The following LMBRD1 variants were observed in gnomAD, a reference collection of about 807,000 sequenced individuals.
LMBRD1 encodes the protein LMBR1 domain containing 1, also known as lysosomal cobalamin transport escort protein LMBD1.
Under a neutral mutation model 74.8 loss-of-function variants are expected in LMBRD1, and 64 were observed. That is an observed-to-expected ratio of 0.86 (90% CI 0.70 to 1.05). The LOEUF (loss-of-function observed/expected upper bound fraction) is 1.05. Among genes scored for constraint, LMBRD1 ranks in the 50% least tolerant of loss-of-function variants. The pLI is 0.00. For missense variants in LMBRD1, 652 were observed against 645.9 expected (o/e 1.01, Z -0.10); for synonymous variants, 204 against 216.3 (o/e 0.94, Z 0.50).
At chr6:69,741,514 C>T (rs1028937346) in intron 6 of LMBRD1, among the ~76,000 whole-genome samples, 13 of 152,012 alleles carry the variant, frequency 8.6e-5, no homozygotes, top group Admixed American at 2.0e-4. Flanking sequence ...GCCTCCCGAG[C>T]AGCTGGGATT....
chr6:69,754,650 T>C (rs923164471), intron 3 of LMBRD1, among the ~76,000 whole-genome samples: 3 of 152,194 alleles, frequency 2.0e-5, no homozygotes, highest in African/African-American at 7.2e-5. Context: ...GTGTTTCTAC[T>C]ACAAACCAAA....
intron 1 of LMBRD1, among the ~76,000 whole-genome samples, chr6:69,794,632 C>T (rs1372449137): frequency 6.6e-6 from 1 of 152,180 alleles, no homozygotes; most frequent in African/African-American, 2.4e-5. Context: ...AATTATGAGT[C>T]AAACTTTCAA....
chr6:69,712,559 T>C (rs964879415), intron 9 of LMBRD1, among the ~76,000 whole-genome samples: 2 of 151,934 alleles, frequency 1.3e-5, no homozygotes, highest in Non-Finnish European at 2.9e-5. Context: ...TTTTAAAAAA[T>C]AAGAGAATCC....
At chr6:69,790,768 A>G (rs1433457498) in intron 1 of LMBRD1, 2 of 385,896 alleles carry the variant, frequency 5.2e-6, no homozygotes, top group East Asian at 1.2e-4. Flanking sequence ...CATCACAGTT[A>G]TAACTAGCTT....
chr6:69,740,920 C>CT lies in LMBRD1; in HGVS notation c.562+868dup, dbSNP rs538609463. Among the ~76,000 whole-genome samples the CT allele has an allele frequency of 1.2e-3, 182 of 151,744 alleles. 2 individuals are homozygous for CT. The South Asian group carries it at 0.038, about 31-fold the overall frequency. On this transcript the variant is annotated intron_variant, in intron 6 of 15. Coordinates refer to ENST00000649934, the MANE Select transcript of LMBRD1 (RefSeq NM_018368.4). Reference sequence around the variant, plus strand: ...AATTTTCTTAACCTAATCCGTGAGCCTTTTTTTTCTGTAAAAACCTAGGTC... The same window carrying CT: ...AATTTTCTTAACCTAATCCGTGAGCCTTTTTTTTTCTGTAAAAACCTAGGTC...
At chr6:69,779,185 C>CAAAAAAAAAAAAAAAAAAAAAAAAAAAA (rs11397050) in intron 3 of LMBRD1, among the ~76,000 whole-genome samples, 1 of 100,158 alleles carries the variant, frequency 1.0e-5, no homozygotes, top group African/African-American at 4.5e-5. Flanking sequence ...GACTCAGTCT[C>CAAAAAAAAAAAAAAAAAAAAAAAAAAAA]AAAAAAAAAA....
chr6:69,692,597 G>A (rs1220748785), intron 14 of LMBRD1, among the ~76,000 whole-genome samples: 1 of 152,006 alleles, frequency 6.6e-6, no homozygotes. Context: ...ATATATTTAT[G>A]TCCTTATGCC....
chr6:69,726,853 T>C (rs1028855196), intron 7 of LMBRD1, among the ~76,000 whole-genome samples: 1 of 151,852 alleles, frequency 6.6e-6, no homozygotes, highest in African/African-American at 2.4e-5. Flanking sequence ...ATAATTTCGT[T>C]GTACATTTTA....
rs114659996 is a variant in LMBRD1, at chr6:69,776,826, T to C, written c.307+3668A>G. On this transcript the variant is annotated intron_variant, in intron 3 of 15. Transcript: ENST00000649934. ...TAACACAACAAAGTAAATTAGAATC[T>C]CTCGGGATACAATCTACCATTCTGT... Among the ~76,000 whole-genome samples, 74 of 152,250 alleles carry C rather than the reference T, an allele frequency of 4.9e-4. 1 individual carries two copies. The highest frequency in any genetic ancestry group is 1.8e-3 in the African/African-American group (73 of 41,550).
At chr6:69,731,694 G>T (rs955168622) in intron 7 of LMBRD1, among the ~76,000 whole-genome samples, 2 of 152,104 alleles carry the variant, frequency 1.3e-5, no homozygotes, top group Non-Finnish European at 1.5e-5. Context: ...ATTATGTTCA[G>T]ATAGGCTAAA....
intron 5 of LMBRD1, chr6:69,745,744 T>A (rs1013837369): frequency 1.3e-5 from 2 of 152,354 alleles, no homozygotes; most frequent in African/African-American, 2.4e-5. Context: ...AACCTCAGCC[T>A]CCCAGTTAAT....
At chr6:69,704,357 A>G (rs970946048) in intron 9 of LMBRD1, among the ~76,000 whole-genome samples, 6 of 152,050 alleles carry the variant, frequency 3.9e-5, no homozygotes, top group African/African-American at 1.4e-4. Flanking sequence ...TTGGAATTCT[A>G]CTGTAGGGAA....
chr6:69,689,211 A>G (rs1374118708), intron 14 of LMBRD1, among the ~76,000 whole-genome samples: 1 of 152,100 alleles, frequency 6.6e-6, no homozygotes, highest in Non-Finnish European at 1.5e-5. Flanking sequence ...TCAGACATGC[A>G]TGTCCATACA....
intron 14 of LMBRD1, among the ~76,000 whole-genome samples, 155 bp from the exon 15 acceptor site, chr6:69,676,696 A>C (rs45527339): frequency 1.3e-5 from 2 of 152,110 alleles, no homozygotes; most frequent in African/African-American, 2.4e-5. Flanking sequence ...CTCTCTCCAA[A>C]GCCCACTCTT....
chr6:69,697,771 T>C, intron 13 of LMBRD1, 130 bp from the exon 14 acceptor site: 1 of 600,752 alleles, frequency 1.7e-6, no homozygotes, highest in Non-Finnish European at 2.9e-6. Context: ...AAATGTAAAT[T>C]TTGTGCAACA....
chr6:69,747,092 A>C (rs1767252200), intron 5 of LMBRD1, among the ~76,000 whole-genome samples: 1 of 152,012 alleles, frequency 6.6e-6, no homozygotes, highest in South Asian at 2.1e-4. Flanking sequence ...CCATATGTTG[A>C]AGCCCTAACC....
At chr6:69,773,089 A>G (rs1765608894) in intron 3 of LMBRD1, among the ~76,000 whole-genome samples, 1 of 152,198 alleles carries the variant, frequency 6.6e-6, no homozygotes. Flanking sequence ...TGTAAACCCT[A>G]CTATGATTTG....
chr6:69,687,979 G>C (rs1302457734), intron 14 of LMBRD1, among the ~76,000 whole-genome samples: 1 of 152,124 alleles, frequency 6.6e-6, no homozygotes, highest in Non-Finnish European at 1.5e-5. Context: ...GGGGTAGGAA[G>C]TGTGAAGTAG....
chr6:69,705,919 A>AT, intron 9 of LMBRD1: 1 of 1,245,682 alleles, frequency 8.0e-7, no homozygotes, highest in Non-Finnish European at 1.2e-6. Flanking sequence ...CTGTACAGAC[A>AT]TTTTCAAAGT....
Sources: gnomAD v4.1 joint callset for allele counts (sites outside exome capture counted in the v4.1 genomes callset) on GRCh38, gnomAD v4.1.1 for gene constraint, MANE v1.5 for transcripts, NCBI Gene and HGNC (gene_info 2026-07-23, HGNC 2026-07-21) for gene names.